The following FOXP2 variants were observed in gnomAD, a reference collection of about 807,000 sequenced individuals.
The protein encoded by FOXP2 is forkhead box P2.
A neutral mutation model predicts 115.8 loss-of-function variants in FOXP2; 12 were observed. That is an observed-to-expected ratio of 0.10 (90% CI 0.07 to 0.17). The LOEUF (loss-of-function observed/expected upper bound fraction) is 0.17. Among genes scored for constraint, FOXP2 ranks in the 10% least tolerant of loss-of-function variants. FOXP2 has a pLI of 1.00. For synonymous variants in FOXP2, 328 were observed against 297.7 expected (o/e 1.10, Z -1.05); for missense variants, 629 against 843.5 (o/e 0.75, Z 3.15).
intron 2 of FOXP2, among the ~76,000 whole-genome samples, chr7:114,520,229 T>G (rs1160115099): frequency 6.6e-6 from 1 of 152,158 alleles, no homozygotes; most frequent in Non-Finnish European, 1.5e-5. Flanking sequence ...AGTCATCCTT[T>G]TAAATCACTA....
chr7:114,611,879 AAAGTT>A (rs1197868916), intron 3 of FOXP2, among the ~76,000 whole-genome samples: 1 of 152,176 alleles, frequency 6.6e-6, no homozygotes, highest in East Asian at 1.9e-4. Context: ...CATGTAGATA[AAAGTT>A]AAGAGAGTGG....
intron 7 of FOXP2, among the ~76,000 whole-genome samples, chr7:114,643,056 C>T (rs1805668913): frequency 6.6e-6 from 1 of 151,504 alleles, no homozygotes; most frequent in East Asian, 1.9e-4. Context: ...CGTGATCTTC[C>T]TGCTTCGGCC....
chr7:114,259,279 A>G (rs1334893395), intron 1 of FOXP2, among the ~76,000 whole-genome samples: 2 of 152,226 alleles, frequency 1.3e-5, no homozygotes, highest in Non-Finnish European at 2.9e-5. Flanking sequence ...TGGGTTATAA[A>G]AAGGATAATT....
In FOXP2 at chr7:114,690,197, T is replaced by G. The variant is rs1327405127; in HGVS notation, c.*271T>G. ...CTTGAAAAAAAAAAATGAACTGTTC[T>G]TTCTATAATGGCTTTGCCCATTTAA... On this transcript the variant is annotated 3_prime_UTR_variant, in exon 17 of 17. Coordinates refer to ENST00000350908, the MANE Select transcript of FOXP2 (RefSeq NM_014491.4). 3 of 504,502 alleles carry G rather than the reference T, an allele frequency of 5.9e-6. No homozygotes were observed. Among genetic ancestry groups the G allele is most frequent in the Non-Finnish European group, 1.1e-5 (3 of 266,226 alleles). 31.3% of individuals were successfully genotyped at this position (504,502 alleles called of 1,614,324 possible).
At chr7:114,620,412 A>T (rs1174786888) in intron 3 of FOXP2, among the ~76,000 whole-genome samples, 1 of 152,042 alleles carries the variant, frequency 6.6e-6, no homozygotes, top group Non-Finnish European at 1.5e-5. Flanking sequence ...AACCTTTCAA[A>T]GTGATGAACT....
At chr7:114,518,107 G>A (rs1027868350) in intron 2 of FOXP2, among the ~76,000 whole-genome samples, 1 of 151,904 alleles carries the variant, frequency 6.6e-6, no homozygotes, top group Admixed American at 6.6e-5. Context: ...ATTTTAAATT[G>A]ATTTTGTAAA....
Position 114,692,699 on chromosome 7 carries a change from T to C in FOXP2, c.*2773T>C. The C allele has an allele frequency of 2.2e-6, 1 of 445,350 alleles. No individual in the cohort carries two copies. Among genetic ancestry groups the C allele is most frequent in the Non-Finnish European group, 4.5e-6 (1 of 223,252 alleles). 27.6% of individuals were successfully genotyped at this position (445,350 alleles called of 1,614,324 possible). On this transcript the variant is annotated 3_prime_UTR_variant, in exon 17 of 17. Transcript: ENST00000350908. ...CCTTATAAAGCATAATGTCTGACAA[T>C]TTAAATGGCTCATGTATTCTTGCTT...
chr7:114,656,531 C>T (rs547954858), intron 10 of FOXP2: 105 of 448,566 alleles, frequency 2.3e-4, no homozygotes, highest in Non-Finnish European at 3.9e-4. Flanking sequence ...GAGAAGCTTA[C>T]ACCAGTGGCT....
intron 2 of FOXP2, among the ~76,000 whole-genome samples, chr7:114,379,142 A>C (rs1444627669): frequency 6.6e-6 from 1 of 152,084 alleles, no homozygotes; most frequent in Non-Finnish European, 1.5e-5. Flanking sequence ...CTCCCATACA[A>C]ATGGAGGGGA....
At chr7:114,678,825 C>G (rs1807919671) in intron 16 of FOXP2, among the ~76,000 whole-genome samples, 1 of 151,966 alleles carries the variant, frequency 6.6e-6, no homozygotes, top group Admixed American at 6.6e-5. Context: ...GATTTGCTTT[C>G]ATTGTTCTTG....
chr7:114,421,562 A>G (rs1164565596), intron 1 of FOXP2, among the ~76,000 whole-genome samples: 1 of 151,682 alleles, frequency 6.6e-6, no homozygotes, highest in Non-Finnish European at 1.5e-5. Flanking sequence ...TAAATAAGTA[A>G]AAAGTAGTAA....
chr7:114,124,092 T>C (rs889367238), intron 1 of FOXP2, among the ~76,000 whole-genome samples: 1 of 152,050 alleles, frequency 6.6e-6, no homozygotes, highest in Admixed American at 6.6e-5. Flanking sequence ...CTGTTGCCTG[T>C]AAAATTTGCA....
At chr7:114,480,760 T>C in intron 2 of FOXP2, among the ~76,000 whole-genome samples, 1 of 150,616 alleles carries the variant, frequency 6.6e-6, no homozygotes, top group Non-Finnish European at 1.5e-5. Context: ...TATACGTATA[T>C]ATATACGTAT....
chr7:114,677,172 CAAAAAAAA>C (rs538753120), intron 16 of FOXP2, among the ~76,000 whole-genome samples: 1 of 52,916 alleles, frequency 1.9e-5, no homozygotes, highest in South Asian at 7.2e-4. Flanking sequence ...TCTCAAAAAA[CAAAAAAAA>C]AAAAAACAAA....
intron 2 of FOXP2, among the ~76,000 whole-genome samples, chr7:114,319,721 G>A (rs755523521): frequency 1.1e-4 from 16 of 152,154 alleles, no homozygotes; most frequent in Middle Eastern, 3.2e-3. Context: ...AGATTTGGAT[G>A]GGGACACACA....
chr7:114,617,950 T>C (rs1804038859), intron 3 of FOXP2, among the ~76,000 whole-genome samples: 1 of 152,198 alleles, frequency 6.6e-6, no homozygotes, highest in Non-Finnish European at 1.5e-5. Context: ...CACAAAACCA[T>C]CCTGCTTTCA....
At chr7:114,682,302 C>T (rs932228329) in intron 16 of FOXP2, among the ~76,000 whole-genome samples, 1 of 152,026 alleles carries the variant, frequency 6.6e-6, no homozygotes, top group Non-Finnish European at 1.5e-5. Context: ...CTAAACTATT[C>T]AGTATTACTT....
chr7:114,591,823 C>A (rs1463460132), intron 3 of FOXP2, among the ~76,000 whole-genome samples: 3 of 152,054 alleles, frequency 2.0e-5, no homozygotes, highest in East Asian at 1.9e-4. Context: ...TTCTGTGTAG[C>A]CTTGTCCAGA....
At chr7:114,103,874 G>A (rs772933482) in intron 1 of FOXP2, among the ~76,000 whole-genome samples, 1 of 151,804 alleles carries the variant, frequency 6.6e-6, no homozygotes, top group Non-Finnish European at 1.5e-5. Flanking sequence ...ACCCATAATA[G>A]CCATTCCTTC....
Sources: gnomAD v4.1 joint callset for allele counts (sites outside exome capture counted in the v4.1 genomes callset) on GRCh38, gnomAD v4.1.1 for gene constraint, MANE v1.5 for transcripts, NCBI Gene and HGNC (gene_info 2026-07-23, HGNC 2026-07-21) for gene names.